Variants in YAP1 observed in about 807,000 individuals in gnomAD.
The protein encoded by YAP1 is Yes1 associated transcriptional regulator, also known as transcriptional coactivator YAP1.
YAP1 carries 5 observed loss-of-function variants against 56.9 expected under a neutral mutation model. The ratio of observed to expected loss-of-function variants is 0.09; its 90% CI spans 0.05 to 0.18. The LOEUF is 0.18. Among genes scored for constraint, YAP1 ranks in the 10% least tolerant of loss-of-function variants. YAP1 has a pLI of 1.00. For synonymous variants in YAP1, 265 were observed against 248.1 expected (o/e 1.07, Z -0.64); for missense variants, 539 against 651.8 (o/e 0.83, Z 1.88).
chr11:102,112,354 C>T, intron 1 of YAP1: 1 of 948,774 alleles, frequency 1.1e-6, no homozygotes, highest in Non-Finnish European at 1.3e-6. Flanking sequence ...TGAGTGTTAA[C>T]ATTCCAATAG....
At chr11:102,157,930 T>TA (rs1389661535) in intron 2 of YAP1, among the ~76,000 whole-genome samples, 1 of 152,218 alleles carries the variant, frequency 6.6e-6, no homozygotes, top group African/African-American at 2.4e-5. Flanking sequence ...GCTGCATTTT[T>TA]AAAAAAGTTT....
At chr11:102,114,602 T>G (rs1237871697) in intron 2 of YAP1, among the ~76,000 whole-genome samples, 1 of 152,226 alleles carries the variant, frequency 6.6e-6, no homozygotes, top group African/African-American at 2.4e-5. Context: ...TTTGAAAGCT[T>G]TACTGAGTCT....
chr11:102,132,909 A>G (rs1292715951), intron 2 of YAP1, among the ~76,000 whole-genome samples: 2 of 152,178 alleles, frequency 1.3e-5, no homozygotes, highest in African/African-American at 4.8e-5. Context: ...CTGTAATCCC[A>G]GCGCTTTGGG....
At chr11:102,174,944 T>A (rs955435719) in intron 3 of YAP1, among the ~76,000 whole-genome samples, 1 of 152,130 alleles carries the variant, frequency 6.6e-6, no homozygotes, top group Non-Finnish European at 1.5e-5. Context: ...TGGTCCACAG[T>A]TTCATCTTAT....
chr11:102,179,651 G>GT (rs1276933383), intron 3 of YAP1, among the ~76,000 whole-genome samples: 1 of 151,940 alleles, frequency 6.6e-6, no homozygotes, highest in Non-Finnish European at 1.5e-5. Flanking sequence ...CTAAAAAACT[G>GT]TTTCCCATTT....
chr11:102,187,390 TTAA>T (rs1948027556), intron 4 of YAP1, among the ~76,000 whole-genome samples: 2 of 152,190 alleles, frequency 1.3e-5, no homozygotes, highest in Non-Finnish European at 1.5e-5. Flanking sequence ...ATGAGGTATG[TTAA>T]TAATTTGCAA....
chr11:102,123,763 C>T (rs561071181), intron 2 of YAP1, among the ~76,000 whole-genome samples: 2 of 151,332 alleles, frequency 1.3e-5, no homozygotes, highest in African/African-American at 4.9e-5. Context: ...CCTCAGCCTC[C>T]CGAGTAGCTG....
At chr11:102,221,052 G>GTTCA (rs1227720428) in intron 6 of YAP1, among the ~76,000 whole-genome samples, 1 of 152,192 alleles carries the variant, frequency 6.6e-6, no homozygotes, top group Admixed American at 6.5e-5. Context: ...GTGGAGTGGA[G>GTTCA]ATGAAGGTCA....
rs2135112824 is a variant in YAP1 at position 102,114,100 on chromosome 11, G to C, written c.322-44G>C. 1.9e-6 allele frequency: 3 copies of C among 1,552,262 alleles called. No homozygotes were observed. In the East Asian group the frequency reaches 6.8e-5, roughly 35 times the overall value. On this transcript the variant is annotated intron_variant, in intron 1 of 8. Transcript: ENST00000282441. ...CTGGGAAATTTAAAGGGACTCAGTTGTGTTTTTTCTTTTTTAATTTTTCAT... is the reference window on the plus strand; with the variant it reads ...CTGGGAAATTTAAAGGGACTCAGTTCTGTTTTTTCTTTTTTAATTTTTCAT...
At position 102,189,515 on chromosome 11, in the gene YAP1, A is replaced by G. The variant is rs796202313; in HGVS notation, c.802+3384A>G. 1.1e-4 allele frequency among the ~76,000 whole-genome samples: 16 copies of G among 152,332 alleles called. 2 individuals are homozygous for G. In the South Asian group the frequency reaches 3.1e-3, roughly 30 times the overall value. ...ATATTTGGTGTAAACAAAATATTGGAGCAAGAGATTTGGGGAAAAAATTAT... is the reference window on the plus strand; with the variant it reads ...ATATTTGGTGTAAACAAAATATTGGGGCAAGAGATTTGGGGAAAAAATTAT... On this transcript the variant is annotated intron_variant, in intron 4 of 8. Transcript: ENST00000282441.
intron 2 of YAP1, among the ~76,000 whole-genome samples, chr11:102,150,677 T>C (rs1945586431): frequency 6.6e-6 from 1 of 152,202 alleles, no homozygotes; most frequent in Non-Finnish European, 1.5e-5. Context: ...TGTGTTGGCT[T>C]AATTTATGCT....
intron 2 of YAP1, among the ~76,000 whole-genome samples, chr11:102,139,599 T>C: frequency 6.6e-6 from 1 of 152,196 alleles, no homozygotes; most frequent in East Asian, 1.9e-4. Context: ...GTTCGGGAGA[T>C]TGTTCAGCAT....
chr11:102,172,821 G>A (rs1454370748), intron 3 of YAP1, among the ~76,000 whole-genome samples: 1 of 152,102 alleles, frequency 6.6e-6, no homozygotes, highest in Non-Finnish European at 1.5e-5. Context: ...CGTCTTTTGA[G>A]CAGAGATCTG....
intron 2 of YAP1, among the ~76,000 whole-genome samples, chr11:102,157,699 CT>C (rs1256088238): frequency 6.6e-6 from 1 of 152,144 alleles, no homozygotes; most frequent in Non-Finnish European, 1.5e-5. Context: ...AGTTTTCTCA[CT>C]TTTCTTCAGG....
intron 3 of YAP1, among the ~76,000 whole-genome samples, chr11:102,180,725 A>C (rs2135483146): frequency 6.6e-6 from 1 of 151,872 alleles, no homozygotes; most frequent in Non-Finnish European, 1.5e-5. Context: ...AAAAATAATA[A>C]TACTGAATGA....
intron 4 of YAP1, among the ~76,000 whole-genome samples, chr11:102,203,222 C>T (rs1345094641): frequency 2.6e-5 from 4 of 152,184 alleles, no homozygotes; most frequent in African/African-American, 7.2e-5. Flanking sequence ...CTGCTAGGTG[C>T]TCTTCCTCCT....
intron 2 of YAP1, among the ~76,000 whole-genome samples, chr11:102,140,024 G>A (rs373889731): frequency 2.0e-5 from 3 of 152,114 alleles, no homozygotes; most frequent in East Asian, 3.8e-4. Flanking sequence ...ATCTGCTCTG[G>A]ATAATATTAA....
chr11:102,193,393 A>T (rs556329157), intron 4 of YAP1, among the ~76,000 whole-genome samples: 2 of 152,172 alleles, frequency 1.3e-5, no homozygotes, highest in African/African-American at 4.8e-5. Flanking sequence ...TCCTCTGTCC[A>T]GTATGTCTCA....
intron 2 of YAP1, among the ~76,000 whole-genome samples, chr11:102,124,295 C>G (rs541504943): frequency 3.8e-4 from 58 of 152,124 alleles, no homozygotes; most frequent in African/African-American, 1.4e-3. Flanking sequence ...TGAGTGTTTG[C>G]TTTCCTTGGG....
Sources: allele counts gnomAD v4.1 joint callset (sites outside exome capture counted in the v4.1 genomes callset), GRCh38; gene constraint gnomAD v4.1.1; transcripts MANE v1.5; gene names NCBI Gene and HGNC (gene_info 2026-07-23, HGNC 2026-07-21).